Variants in AMPD2 observed in about 807,000 individuals in gnomAD.
The protein encoded by AMPD2 is adenosine monophosphate deaminase 2.
AMPD2 carries 52 observed loss-of-function variants against 91.3 expected under a neutral mutation model. That is an observed-to-expected ratio of 0.57 (90% CI 0.46 to 0.72). The LOEUF is 0.72. Ranked by LOEUF, AMPD2 falls within the 30% of genes least tolerant of loss-of-function variation. The pLI, the probability that AMPD2 is intolerant of heterozygous loss-of-function variation, is 0.00. For synonymous variants in AMPD2, 455 were observed against 456.4 expected, an observed-to-expected ratio of 1.00 and a Z score of 0.04; for missense variants, 822 against 1,122.3, an observed-to-expected ratio of 0.73 and a Z score of 3.82.
chr1:109,627,770 C>G lies in AMPD2; in HGVS notation c.951-4C>G. On this transcript the variant is annotated splice_polypyrimidine_tract_variant and splice_region_variant and intron_variant, in intron 9 of 18. Coordinates refer to ENST00000528667, the MANE Select transcript of AMPD2 (RefSeq NM_001368809.2). ...AGTCCCTGCCTTGTTCTCCTCATGCCCAGAAAGTCATTCTGCTACCGCCGG... is the reference window on the plus strand; with the variant it reads ...AGTCCCTGCCTTGTTCTCCTCATGCGCAGAAAGTCATTCTGCTACCGCCGG... 1.2e-6 allele frequency: 2 copies of G among 1,613,902 alleles called. No individual in the cohort carries two copies. The highest frequency in any genetic ancestry group is 2.7e-5 in the African/African-American group (2 of 75,008).
Position 109,628,623 on chromosome 1 carries a change from T to C in AMPD2, c.1408-20T>C, listed in dbSNP as rs750557657. Reference sequence around the variant, plus strand: ...TGACTCAGCTCACCTCATGTCTGACTCAGCTCACCTCATGTCTAGGAGGTG... The same window carrying C: ...TGACTCAGCTCACCTCATGTCTGACCCAGCTCACCTCATGTCTAGGAGGTG... On this transcript the variant is annotated intron_variant, in intron 12 of 18. Coordinates refer to ENST00000528667, the MANE Select transcript of AMPD2 (RefSeq NM_001368809.2). This position sits in a 1 kb window ranked among gnomAD's most constrained non-coding sequence, Gnocchi z 7.1. 4 of 1,611,924 alleles carry C rather than the reference T, an allele frequency of 2.5e-6. No individual in the cohort carries two copies. Among genetic ancestry groups the C allele is most frequent in the Non-Finnish European group, 3.4e-6 (4 of 1,178,726 alleles).
Position 109,626,879 on chromosome 1 carries a change from T to C in AMPD2, c.685T>C (p.Tyr229His), listed in dbSNP as rs376809106. 4.3e-6 allele frequency: 7 copies of C among 1,613,654 alleles called. No homozygotes were observed. In the African/African-American group the frequency reaches 9.3e-5, roughly 22 times the overall value. ...TGAAAAGCCTCTGGAGACCCGGACC[T>C]ATGAACAGGGCCCCGACACCCCTGT... ...LAEKPLETRT[Y>H]EQGPDTPVSA... The change falls in exon 7 of 19, where the codon TAT (tyrosine) becomes CAT (histidine). Residue 229 changes from tyrosine to histidine, a missense_variant. Around this residue, in one of 5 missense-constraint regions of AMPD2, gnomAD observed 240 missense variants for 270.3 expected, o/e 0.89. Transcript: ENST00000528667.
At position 109,626,442 on chromosome 1, in the gene AMPD2, T is replaced by G. The variant is rs1312277197; in HGVS notation, c.531+15T>G. ...AGAAGTGTGGGGTAAGTATGGGGTG[T>G]ATGTTGGGTGAGTCGCCATCACCTA... On this transcript the variant is annotated intron_variant, in intron 6 of 18. Transcript: ENST00000528667. 6.3e-7 allele frequency: 1 copy of G among 1,592,786 alleles called. No individual in the cohort carries two copies. Among genetic ancestry groups the G allele is most frequent in the African/African-American group, 1.4e-5 (1 of 73,628 alleles).
chr1:109,626,139 TCTCACCC>T lies in AMPD2; in HGVS notation c.354-17_354-11del. ...GCCGTCCCTCGGGATCTGCCTGACTTCTCACCCCTCTTGCCTCTAGGCTGGAGCCAGA... is the reference window on the plus strand; with the variant it reads ...GCCGTCCCTCGGGATCTGCCTGACTTCTCTTGCCTCTAGGCTGGAGCCAGA... On this transcript the variant is annotated splice_polypyrimidine_tract_variant and intron_variant, in intron 4 of 18. Coordinates refer to ENST00000528667, the MANE Select transcript of AMPD2 (RefSeq NM_001368809.2). The T allele has an allele frequency of 6.2e-7, 1 of 1,613,968 alleles. No homozygotes were observed. The highest frequency in any genetic ancestry group is 8.5e-7 in the Non-Finnish European group (1 of 1,179,952).
Position 109,628,125 on chromosome 1 carries a change from C to T in AMPD2, c.1123C>T (p.His375Tyr), listed in dbSNP as rs1370996423. 6.2e-7 allele frequency: 1 copy of T among 1,614,060 alleles called. No individual in the cohort carries two copies. Among genetic ancestry groups the T allele is most frequent in the South Asian group, 1.1e-5 (1 of 91,084 alleles). ...TGCCTCGTCCTGCATGAACCAGAAG[C>T]ATCTGCTGCGCTTCATCAAGCGGGC... ...IHASSCMNQK[H>Y]LLRFIKRAMK... The change falls in exon 11 of 19, where the codon CAT becomes TAT. Residue 375 changes from histidine (H) to tyrosine (Y), a missense_variant. Physicochemically the swap from His to Tyr is moderately conservative, Grantham distance 83 (BLOSUM62 2). Transcript: ENST00000528667. The surrounding 1 kb of genome is among the most constrained non-coding windows in gnomAD (Gnocchi z 7.1).
intron 15 of AMPD2, 57 bp downstream of exon 15, chr1:109,629,547 C>T: frequency 5.0e-6 from 8 of 1,591,866 alleles, no homozygotes; most frequent in Non-Finnish European, 6.8e-6. Flanking sequence ...ACAAACCTCA[C>T]TCTTGGCACC....
rs746969636 is a variant in AMPD2, at chr1:109,628,856, G to T, written c.1571+50G>T. 2 of 1,528,426 alleles carry T rather than the reference G, an allele frequency of 1.3e-6. No homozygotes were observed. Among genetic ancestry groups the T allele is most frequent in the Non-Finnish European group, 8.8e-7 (1 of 1,133,172 alleles). The allele number at this position is 1,528,426 out of a possible 1,614,324, so 94.7% of individuals were successfully genotyped here. ...GAACCTGCGGGGTCATATTCAAGGG[G>T]TCAGGGCCTGCCTCCTGCCCTCCTA... On this transcript the variant is annotated intron_variant, in intron 13 of 18. Coordinates refer to ENST00000528667, the MANE Select transcript of AMPD2 (RefSeq NM_001368809.2). The surrounding 1 kb of genome is among the most constrained non-coding windows in gnomAD (Gnocchi z 7.1).
chr1:109,630,019 T>G, intron 16 of AMPD2, 103 bp downstream of exon 16: 1 of 1,508,524 alleles, frequency 6.6e-7, no homozygotes, highest in Non-Finnish European at 9.0e-7. Flanking sequence ...GCCCTCAGAT[T>G]GGATTCTGCC....
Position 109,631,991 on chromosome 1 carries a change from C to T in AMPD2, c.*839C>T, listed in dbSNP as rs1444725997. 3.3e-5 allele frequency: 5 copies of T among 152,732 alleles called. No homozygotes were observed. Among genetic ancestry groups the T allele is most frequent in the Non-Finnish European group, 7.3e-5 (5 of 68,094 alleles). The allele number at this position is 152,732 out of a possible 1,614,324, so 9.5% of individuals were successfully genotyped here. On this transcript the variant is annotated 3_prime_UTR_variant, in exon 19 of 19. Coordinates refer to ENST00000528667, the MANE Select transcript of AMPD2 (RefSeq NM_001368809.2). Reference sequence around the variant, plus strand: ...TCTGGACTGAGGCCTTTGCTGTGAACTGCAGTGTTTCATACGAACCATCTT... The same window carrying T: ...TCTGGACTGAGGCCTTTGCTGTGAATTGCAGTGTTTCATACGAACCATCTT...
rs1570581691 is a variant in AMPD2, at chr1:109,624,858, A to T, written c.92-445A>T. Among the ~76,000 whole-genome samples the T allele has an allele frequency of 1.3e-5, 2 of 152,096 alleles. No individual in the cohort carries two copies. Among genetic ancestry groups the T allele is most frequent in the South Asian group, 4.2e-4 (2 of 4,812 alleles). ...CTGATCCTGGGTTGCCTGCCCTGGG[A>T]GCTGCAGGCTGGGGGTCCCTGGTGT... On this transcript the variant is annotated intron_variant, in intron 2 of 18. Transcript: ENST00000528667. The surrounding 1 kb of genome is among the most constrained non-coding windows in gnomAD (Gnocchi z 5.2).
At chr1:109,623,887 C>G (rs773266426) in intron 2 of AMPD2, 2 of 489,684 alleles carry the variant, frequency 4.1e-6, no homozygotes, top group East Asian at 1.5e-4. Flanking sequence ...TCTTATCTCC[C>G]AACTCTGATG....
At position 109,620,483 on chromosome 1, in the gene AMPD2, C is replaced by T. The variant is rs150612104; in HGVS notation, c.-263+205C>T. Reference sequence around the variant, plus strand: ...AGGCTAGGGTCTCTGTCCCAGACCCCCAGACAAGGGGGTCTCCTGGCCTTC... The same window carrying T: ...AGGCTAGGGTCTCTGTCCCAGACCCTCAGACAAGGGGGTCTCCTGGCCTTC... On this transcript the variant is annotated intron_variant, in intron 1 of 18. Transcript: ENST00000528667. 476 of 1,189,802 alleles carry T rather than the reference C, an allele frequency of 4.0e-4. 3 individuals are homozygous for T. The East Asian group carries it at 0.015, about 38-fold the overall frequency. 73.7% of individuals were successfully genotyped at this position (1,189,802 alleles called of 1,614,324 possible).
Position 109,628,228 on chromosome 1 carries a change from T to C in AMPD2, c.1226T>C (p.Met409Thr). ...ACGCTGCGGGAGGTCTTTGAGAGCA[T>C]GAATCTCACGGCCTACGACCTGAGT... ...EQTLREVFES[M>T]NLTAYDLSVD... Residue 409 changes from methionine to threonine, a missense_variant, in exon 11 of 19, where the codon ATG becomes ACG. By Grantham distance (81) the Met-to-Thr change is moderately conservative. Around this residue, in one of 5 missense-constraint regions of AMPD2, gnomAD observed 430 missense variants for 606.0 expected, o/e 0.71. Coordinates refer to ENST00000528667, the MANE Select transcript of AMPD2 (RefSeq NM_001368809.2). This position sits in a 1 kb window ranked among gnomAD's most constrained non-coding sequence, Gnocchi z 7.1. 1 of 1,613,964 alleles carries C rather than the reference T, an allele frequency of 6.2e-7. No homozygotes were observed. The highest frequency in any genetic ancestry group is 8.5e-7 in the Non-Finnish European group (1 of 1,179,996).
chr1:109,629,531 C>T (rs374688900), intron 15 of AMPD2, 41 bp downstream of exon 15: 18 of 1,603,404 alleles, frequency 1.1e-5, no homozygotes, highest in African/African-American at 1.3e-5. Flanking sequence ...TGCCATCTCT[C>T]GCCCAACAAA....
rs1210178978 is a variant in AMPD2 at position 109,628,310 on chromosome 1, G to A, written c.1275+33G>A. 6.2e-7 allele frequency: 1 copy of A among 1,613,104 alleles called. No individual in the cohort carries two copies. On this transcript the variant is annotated intron_variant, in intron 11 of 18. Transcript: ENST00000528667. The surrounding 1 kb of genome is among the most constrained non-coding windows in gnomAD (Gnocchi z 7.1). ...CCAGTGGCGTGGGCTGTGGGACTGA[G>A]TCAGTCAGGGGACCAGGAGTCACGG...
intron 2 of AMPD2, among the ~76,000 whole-genome samples, chr1:109,623,019 T>C (rs1384928103): frequency 6.6e-6 from 1 of 152,158 alleles, no homozygotes; most frequent in Non-Finnish European, 1.5e-5. Context: ...TCTCCACTCC[T>C]GCCAAGTTCA....
Position 109,628,437 on chromosome 1 carries a change from A to G in AMPD2, c.1349A>G (p.Glu450Gly). The change falls in exon 12 of 19, where the codon GAG becomes GGG. Residue 450 changes from glutamate to glycine, a missense_variant. By Grantham distance (98) the Glu-to-Gly change is moderately conservative. Coordinates refer to ENST00000528667, the MANE Select transcript of AMPD2 (RefSeq NM_001368809.2). This position sits in a 1 kb window ranked among gnomAD's most constrained non-coding sequence, Gnocchi z 7.1. ...CCTATTGGGGAGTCCGTCCTCCGAG[A>G]GATCTTCATCAAGACGGACAACAGG... ...YNPIGESVLREIFIKTDNRVS... is the reference protein window; with the variant it reads ...YNPIGESVLRGIFIKTDNRVS... 1 of 1,613,716 alleles carries G rather than the reference A, an allele frequency of 6.2e-7. No individual in the cohort carries two copies. Among genetic ancestry groups the G allele is most frequent in the Non-Finnish European group, 8.5e-7 (1 of 1,180,028 alleles).
chr1:109,625,193 C>T lies in AMPD2; in HGVS notation c.92-110C>T. On this transcript the variant is annotated intron_variant, in intron 2 of 18. Coordinates refer to ENST00000528667, the MANE Select transcript of AMPD2 (RefSeq NM_001368809.2). This position sits in a 1 kb window ranked among gnomAD's most constrained non-coding sequence, Gnocchi z 4.0. ...CCTCAGCTACTGAGGAGGGACTGCC[C>T]TCTTTCCCGACCCTGGGCTCTCTCG... 1 of 1,473,976 alleles carries T rather than the reference C, an allele frequency of 6.8e-7. No homozygotes were observed. 91.3% of individuals were successfully genotyped at this position (1,473,976 alleles called of 1,614,324 possible). A position where few individuals can be genotyped will look rare whatever the true frequency, so the allele number is the denominator to read the frequency against.
chr1:109,620,455 A>G (rs1217354874), intron 1 of AMPD2, 177 bp downstream of exon 1: 1 of 796,228 alleles, frequency 1.3e-6, no homozygotes, highest in Non-Finnish European at 1.5e-6. Context: ...GAAAAATCCA[A>G]AGAGGCTAGG....
Sources: allele counts gnomAD v4.1 joint callset (sites outside exome capture counted in the v4.1 genomes callset), GRCh38; gene constraint gnomAD v4.1.1; regional missense constraint gnomAD v4.1.1; non-coding constraint Gnocchi (gnomAD v3.1); transcripts MANE v1.5; gene names NCBI Gene and HGNC (gene_info 2026-07-23, HGNC 2026-07-21).